The following LAMA2 variants were observed in gnomAD, a reference collection of about 807,000 sequenced individuals.
LAMA2 encodes laminin subunit alpha 2, also known as laminin subunit alpha-2.
LAMA2 carries 269 observed loss-of-function variants against 364.8 expected under a neutral mutation model. The ratio of observed to expected loss-of-function variants is 0.74; its 90% CI spans 0.67 to 0.82. The LOEUF (loss-of-function observed/expected upper bound fraction) is 0.82, where lower values mean the gene tolerates loss of function less well. LAMA2 is among the 40% of genes least tolerant of loss of function. The probability of loss-of-function intolerance (pLI) is 0.00; values close to 1 mark genes in which losing one functional copy is unlikely to be tolerated. For synonymous variants in LAMA2, 1,379 were observed against 1,370.6 expected (o/e 1.01, Z -0.14); for missense variants, 3,807 against 3,873.2 (o/e 0.98, Z 0.45).
At chr6:129,367,102 C>T (rs997146037) in intron 33 of LAMA2, among the ~76,000 whole-genome samples, 1 of 152,118 alleles carries the variant, frequency 6.6e-6, no homozygotes, top group Non-Finnish European at 1.5e-5. Context: ...ACTAGTAGAC[C>T]TTTAAAAGTT....
chr6:129,024,239 G>A (rs1222296674), intron 1 of LAMA2, among the ~76,000 whole-genome samples: 1 of 151,756 alleles, frequency 6.6e-6, no homozygotes. Flanking sequence ...GAGAATATGT[G>A]GGATAAATGA....
At chr6:129,201,916 G>A (rs12214548) in intron 12 of LAMA2, among the ~76,000 whole-genome samples, 34,784 of 151,950 alleles carry the variant, frequency 0.23, 4,313 homozygotes, top group African/African-American at 0.32. Flanking sequence ...ATGGCCAGGC[G>A]CGGTGGCTCA....
chr6:129,119,810 A>C (rs1032673507), intron 4 of LAMA2, among the ~76,000 whole-genome samples: 1 of 152,210 alleles, frequency 6.6e-6, no homozygotes, highest in African/African-American at 2.4e-5. Context: ...GGCCTCTTAA[A>C]GTGCTGAGAT....
chr6:128,929,124 A>C, intron 1 of LAMA2: 1 of 1,439,782 alleles, frequency 6.9e-7, no homozygotes, highest in East Asian at 2.3e-5. Flanking sequence ...TACAGATCCA[A>C]AAACTCTGGA....
At chr6:129,208,349 GA>G (rs1404506343) in intron 12 of LAMA2, among the ~76,000 whole-genome samples, 1 of 152,140 alleles carries the variant, frequency 6.6e-6, no homozygotes, top group Non-Finnish European at 1.5e-5. Flanking sequence ...GATGGTGTCT[GA>G]AAATGATAAG....
rs758613047 is a variant in LAMA2, at chr6:129,059,865, A to G, written c.365A>G (p.His122Arg). The G allele has an allele frequency of 1.1e-5, 17 of 1,599,596 alleles. No individual in the cohort carries two copies. The highest frequency in any genetic ancestry group is 1.5e-5 in the Non-Finnish European group (17 of 1,166,882). Residue 122 changes from histidine (H) to arginine (R), a missense_variant, in exon 3 of 65, where the codon CAT becomes CGT. His to Arg is a conservative substitution (Grantham distance 29). Around this residue, in one of 3 missense-constraint regions of LAMA2, gnomAD observed 394 missense variants for 403.5 expected, o/e 0.98. Transcript: ENST00000421865. The part of the protein sequence containing the change: ...SPSIKNGIEY[H>R]YVTITLDLQQ... ...AGTATTAAGAATGGAATCGAATACC[A>G]TTATGTGACAATTACCCTGGATTTA... is the stretch of plus-strand genomic sequence containing the variant.
At chr6:129,072,419 T>C (rs922875219) in intron 3 of LAMA2, among the ~76,000 whole-genome samples, 4 of 152,154 alleles carry the variant, frequency 2.6e-5, no homozygotes, top group African/African-American at 7.2e-5. Flanking sequence ...TTGCGTGATA[T>C]AGGTTTTCTC....
intron 1 of LAMA2, among the ~76,000 whole-genome samples, chr6:128,906,707 A>G (rs1378572874): frequency 8.6e-5 from 13 of 151,854 alleles, no homozygotes; most frequent in East Asian, 3.9e-4. Context: ...TGAAGTCCTT[A>G]CCCATGCCTA....
chr6:129,115,412 C>A (rs1776418540), intron 4 of LAMA2, among the ~76,000 whole-genome samples: 1 of 152,070 alleles, frequency 6.6e-6, no homozygotes, highest in East Asian at 1.9e-4. Context: ...TTTACATTAA[C>A]ATCTGGAGTT....
intron 4 of LAMA2, among the ~76,000 whole-genome samples, chr6:129,113,799 A>G (rs1007900787): frequency 1.3e-5 from 2 of 151,990 alleles, no homozygotes; most frequent in African/African-American, 4.8e-5. Flanking sequence ...AAGGCTCACT[A>G]GTGTCTTTGA....
At chr6:129,006,669 CTCATTCCTTTCATCTG>C (rs1221079932) in intron 1 of LAMA2, among the ~76,000 whole-genome samples, 1 of 152,118 alleles carries the variant, frequency 6.6e-6, no homozygotes, top group African/African-American at 2.4e-5. Flanking sequence ...CTGCCCTCTC[CTCATTCCTTTCATCTG>C]TCATTCCTGC....
intron 9 of LAMA2, among the ~76,000 whole-genome samples, chr6:129,173,893 T>C (rs551996090): frequency 6.6e-5 from 10 of 152,252 alleles, no homozygotes; most frequent in Middle Eastern, 3.4e-3. Flanking sequence ...TTCATTTTCT[T>C]TTAGTAGAAG....
In LAMA2 at chr6:129,349,372, A is replaced by G; in HGVS notation, c.4511A>G (p.Gln1504Arg). Residue 1504 changes from glutamine (Q) to arginine (R), a missense_variant, in exon 31 of 65, where the codon CAG becomes CGG. Gln to Arg is a conservative substitution (Grantham distance 43, BLOSUM62 1). Transcript: ENST00000421865. ...CTACPRGYEG[Q>R]YCERCAPGYT... ...GCTTGTCCACGGGGATATGAAGGCC[A>G]GTACTGTGAAAGGTACCAACAGCCA... is the stretch of plus-strand genomic sequence containing the variant. 1 of 1,613,134 alleles carries G rather than the reference A, an allele frequency of 6.2e-7. No individual in the cohort carries two copies. The highest frequency in any genetic ancestry group is 8.5e-7 in the Non-Finnish European group (1 of 1,179,180).
At chr6:129,031,170 G>A (rs1427947685) in intron 1 of LAMA2, among the ~76,000 whole-genome samples, 1 of 152,128 alleles carries the variant, frequency 6.6e-6, no homozygotes, top group Non-Finnish European at 1.5e-5. Flanking sequence ...TATAAACACT[G>A]TCAAATCTCA....
At chr6:129,284,746 C>G (rs1419064903) in intron 18 of LAMA2, among the ~76,000 whole-genome samples, 2 of 152,010 alleles carry the variant, frequency 1.3e-5, no homozygotes, top group Admixed American at 6.6e-5. Context: ...CTTTTTCTAC[C>G]TCTCCCTCTC....
At chr6:128,992,475 T>A (rs1268994520) in intron 1 of LAMA2, among the ~76,000 whole-genome samples, 1 of 152,176 alleles carries the variant, frequency 6.6e-6, no homozygotes, top group Non-Finnish European at 1.5e-5. Flanking sequence ...TGAGATGTAG[T>A]CTCACATTAA....
chr6:129,331,597 C>T (rs1775657712), intron 29 of LAMA2, among the ~76,000 whole-genome samples: 1 of 151,912 alleles, frequency 6.6e-6, no homozygotes, highest in South Asian at 2.1e-4. Context: ...TCAATTCTAC[C>T]CCTCTCCCGC....
At chr6:129,424,284 A>G (rs544056914) in intron 40 of LAMA2, among the ~76,000 whole-genome samples, 1 of 152,092 alleles carries the variant, frequency 6.6e-6, no homozygotes, top group East Asian at 1.9e-4. Flanking sequence ...AAAATATATA[A>G]GAAAAATCTT....
In LAMA2 at chr6:129,399,474, A is replaced by G. The variant is rs185472677; in HGVS notation, c.5446-1750A>G. Among the ~76,000 whole-genome samples, 371 of 152,266 alleles carry G rather than the reference A, an allele frequency of 2.4e-3. 4 individuals are homozygous for G. Among genetic ancestry groups the G allele is most frequent in the Admixed American group, 0.02 (309 of 15,290 alleles). ...TGGGCTGCACATTGAGTAGGGAGGG[A>G]CTAAACATTTTGTATGAAGGTAAAT... On this transcript the variant is annotated intron_variant, in intron 37 of 64. Coordinates refer to ENST00000421865, the MANE Select transcript of LAMA2 (RefSeq NM_000426.4).
Sources: allele counts gnomAD v4.1 joint callset (sites outside exome capture counted in the v4.1 genomes callset), GRCh38; gene constraint gnomAD v4.1.1; regional missense constraint gnomAD v4.1.1; transcripts MANE v1.5; gene names NCBI Gene and HGNC (gene_info 2026-07-23, HGNC 2026-07-21).